RALYL: variants seen among roughly 807,000 people sequenced by gnomAD.
RALYL encodes the protein RNA-binding Raly-like protein.
In RALYL, 29 loss-of-function variants were observed where a neutral mutation model predicts 35.1. That is an observed-to-expected ratio of 0.83 (90% CI 0.61 to 1.13). RALYL has a LOEUF of 1.13. Ranked by LOEUF, RALYL falls within the 50% of genes most tolerant of loss-of-function variation. The probability of loss-of-function intolerance (pLI) is 0.00; values close to 1 mark genes in which losing one functional copy is unlikely to be tolerated. For synonymous variants in RALYL, 120 were observed against 127.6 expected (o/e 0.94, Z 0.40); for missense variants, 359 against 360.4 (o/e 1.00, Z 0.03).
intron 1 of RALYL, among the ~76,000 whole-genome samples, chr8:84,451,136 T>A (rs1387641962): frequency 6.6e-6 from 1 of 152,058 alleles, no homozygotes; most frequent in Non-Finnish European, 1.5e-5. Flanking sequence ...ATTGAGTCTC[T>A]ATGGCTTAAA....
intron 4 of RALYL, among the ~76,000 whole-genome samples, chr8:84,818,199 T>C (rs1375175676): frequency 1.3e-5 from 2 of 152,144 alleles, no homozygotes; most frequent in African/African-American, 4.8e-5. Context: ...CTTAGAGTGA[T>C]ATAAAATATG....
intron 2 of RALYL, among the ~76,000 whole-genome samples, chr8:84,669,390 G>T (rs1588894725): frequency 6.6e-6 from 1 of 151,438 alleles, no homozygotes; most frequent in Admixed American, 6.6e-5. Flanking sequence ...GATAGAGGGG[G>T]TACCCGTGCA....
In RALYL at chr8:84,338,060, T is replaced by C. The variant is rs182297737; in HGVS notation, c.-24+153636T>C. 3.4e-3 allele frequency among the ~76,000 whole-genome samples: 518 copies of C among 152,182 alleles called. 3 individuals are homozygous for C. The highest frequency in any genetic ancestry group is 0.012 in the African/African-American group (503 of 41,560). ...AACGAGTGCACCAAGAAATTACCCG[T>C]ACTCAGGTTTTGTAAAGTGTCTTAA... On this transcript the variant is annotated intron_variant, in intron 1 of 8. Coordinates refer to ENST00000521268, the MANE Select transcript of RALYL (RefSeq NM_173848.7).
At chr8:84,679,479 G>A in intron 2 of RALYL, 1 of 331,932 alleles carries the variant, frequency 3.0e-6, no homozygotes, top group Non-Finnish European at 5.9e-6. Context: ...AAATAGGACT[G>A]ATGCTTGCTT....
At chr8:84,185,260 A>T in intron 1 of RALYL, 1 of 556,946 alleles carries the variant, frequency 1.8e-6, no homozygotes, top group East Asian at 3.0e-5. Flanking sequence ...TTTTATTTAA[A>T]TTTTGTTAAA....
At position 84,705,965 on chromosome 8, in the gene RALYL, C is replaced by T. The variant is rs181322916; in HGVS notation, c.257-68614C>T. Reference sequence around the variant, plus strand: ...CTTACTGCAAAGCAGGAGCACAACCCGTCTCTTTGTCTCCGTGGTCAAATC... The same window carrying T: ...CTTACTGCAAAGCAGGAGCACAACCTGTCTCTTTGTCTCCGTGGTCAAATC... On this transcript the variant is annotated intron_variant, in intron 2 of 8. Coordinates refer to ENST00000521268, the MANE Select transcript of RALYL (RefSeq NM_173848.7). 23 of 1,531,104 alleles carry T rather than the reference C, an allele frequency of 1.5e-5. No homozygotes were observed. In the African/African-American group the frequency reaches 2.3e-4, roughly 16 times the overall value. The allele number at this position is 1,531,104 out of a possible 1,614,324, so 94.8% of individuals were successfully genotyped here. A position where few individuals can be genotyped will look rare whatever the true frequency, so the allele number is the denominator to read the frequency against.
At chr8:84,858,279 T>A (rs191386406) in intron 5 of RALYL, among the ~76,000 whole-genome samples, 1 of 152,200 alleles carries the variant, frequency 6.6e-6, no homozygotes, top group Admixed American at 6.5e-5. Flanking sequence ...TTGGACTGAA[T>A]TTTTTAAATT....
In RALYL at chr8:84,251,478, A is replaced by AT. The variant is rs907808214; in HGVS notation, c.-24+67064dup. On this transcript the variant is annotated intron_variant, in intron 1 of 8. Transcript: ENST00000521268. ...TCATTTTCTGGCAGTGCAAACTGTT[A>AT]TTTTTTTTTTGAAAGAAGCAAGTTC... Among the ~76,000 whole-genome samples the AT allele has an allele frequency of 3.3e-3, 489 of 149,736 alleles. 4 individuals are homozygous for AT. Among genetic ancestry groups the AT allele is most frequent in the African/African-American group, 0.011 (450 of 40,952 alleles).
At chr8:84,349,487 T>G (rs1381874074) in intron 1 of RALYL, among the ~76,000 whole-genome samples, 2 of 150,352 alleles carry the variant, frequency 1.3e-5, no homozygotes, top group East Asian at 1.9e-4. Flanking sequence ...TCCTGAGAAC[T>G]ACTGCTGTCC....
chr8:84,768,078 A>G (rs972005136), intron 2 of RALYL, among the ~76,000 whole-genome samples: 1 of 152,200 alleles, frequency 6.6e-6, no homozygotes, highest in Admixed American at 6.5e-5. Context: ...CAAAGCCCCT[A>G]GCTTATGAGA....
intron 2 of RALYL, among the ~76,000 whole-genome samples, chr8:84,573,528 T>G (rs781349485): frequency 1.3e-5 from 2 of 151,876 alleles, no homozygotes; most frequent in Non-Finnish European, 2.9e-5. Flanking sequence ...TACTTTGGTA[T>G]CGTTGTCTTT....
intron 3 of RALYL, among the ~76,000 whole-genome samples, chr8:84,785,896 C>T (rs1372126554): frequency 1.3e-5 from 2 of 152,186 alleles, no homozygotes; most frequent in Middle Eastern, 3.2e-3. Flanking sequence ...AAATGTGTGC[C>T]ATGGTAGTTT....
chr8:84,596,341 A>G (rs1355809059), intron 2 of RALYL, among the ~76,000 whole-genome samples: 1 of 152,244 alleles, frequency 6.6e-6, no homozygotes, highest in African/African-American at 2.4e-5. Flanking sequence ...AGCAACTGCC[A>G]TATTTGAAAA....
intron 1 of RALYL, among the ~76,000 whole-genome samples, chr8:84,512,300 T>C (rs188135312): frequency 1.4e-4 from 22 of 151,950 alleles, no homozygotes; most frequent in Non-Finnish European, 2.6e-4. Flanking sequence ...CATTTTCTTG[T>C]TAATGATGTT....
chr8:84,338,177 T>C (rs912769405), intron 1 of RALYL, among the ~76,000 whole-genome samples: 1 of 152,024 alleles, frequency 6.6e-6, no homozygotes, highest in African/African-American at 2.4e-5. Flanking sequence ...AAAAAAACTT[T>C]ATTTATAATA....
intron 2 of RALYL, among the ~76,000 whole-genome samples, chr8:84,636,699 G>A (rs1825135085): frequency 1.3e-5 from 2 of 151,744 alleles, no homozygotes; most frequent in Non-Finnish European, 2.9e-5. Flanking sequence ...TTGACAAACA[G>A]GGCTATTCCA....
At chr8:84,683,461 T>C (rs1421562969) in intron 2 of RALYL, among the ~76,000 whole-genome samples, 1 of 152,200 alleles carries the variant, frequency 6.6e-6, no homozygotes, top group African/African-American at 2.4e-5. Context: ...CTCCCATTAT[T>C]ATAGTGTAGC....
chr8:84,618,034 G>T (rs1389217220), intron 2 of RALYL, among the ~76,000 whole-genome samples: 1 of 151,812 alleles, frequency 6.6e-6, no homozygotes, highest in Non-Finnish European at 1.5e-5. Flanking sequence ...TGTTCATCAA[G>T]GATATTGGTC....
In RALYL at chr8:84,191,940, A is replaced by G. The variant is rs144451778; in HGVS notation, c.-24+7516A>G. On this transcript the variant is annotated intron_variant, in intron 1 of 8. Transcript: ENST00000521268. ...CTCAGTGAAGTAAGTGATTCAGTCA[A>G]AGATGATCAACAAGTGATAAAATAA... Among the ~76,000 whole-genome samples the G allele has an allele frequency of 1.1e-4, 17 of 151,530 alleles. No homozygotes were observed. The East Asian group carries it at 1.5e-3, about 14-fold the overall frequency.
Sources: gnomAD v4.1 joint callset for allele counts (sites outside exome capture counted in the v4.1 genomes callset) on GRCh38, gnomAD v4.1.1 for gene constraint, MANE v1.5 for transcripts, NCBI Gene and HGNC (gene_info 2026-07-23, HGNC 2026-07-21) for gene names.